ROBO1: variants seen among roughly 807,000 people sequenced by gnomAD.
ROBO1 encodes roundabout homolog 1.
A neutral mutation model predicts 195.9 loss-of-function variants in ROBO1; 149 were observed. The observed-to-expected ratio is 0.76, with a 90% confidence interval of 0.67 to 0.87. The LOEUF (loss-of-function observed/expected upper bound fraction) is 0.87, where lower values mean the gene tolerates loss of function less well. ROBO1 is among the 40% of genes least tolerant of loss of function. The pLI, the probability that ROBO1 is intolerant of heterozygous loss-of-function variation, is 0.00. For synonymous variants in ROBO1, 816 were observed against 733.2 expected (o/e 1.11, Z -1.82); for missense variants, 1,933 against 2,068.3 (o/e 0.93, Z 1.27).
intron 4 of ROBO1, among the ~76,000 whole-genome samples, chr3:78,772,918 A>G (rs1425734032): frequency 1.3e-5 from 2 of 152,114 alleles, no homozygotes; most frequent in African/African-American, 2.4e-5. Flanking sequence ...TCTGATGTCA[A>G]AATCCACAGT....
chr3:78,766,819 A>G (rs2108398160), intron 4 of ROBO1, among the ~76,000 whole-genome samples: 1 of 152,256 alleles, frequency 6.6e-6, no homozygotes, highest in Admixed American at 6.5e-5. Flanking sequence ...TGAGAGTTTT[A>G]ATCATAAAGG....
intron 2 of ROBO1, among the ~76,000 whole-genome samples, chr3:79,160,459 T>C (rs1418646699): frequency 6.6e-6 from 1 of 152,166 alleles, no homozygotes; most frequent in Non-Finnish European, 1.5e-5. Flanking sequence ...TGTCTTCATA[T>C]AGAACTGTTC....
chr3:79,003,641 TG>T (rs1559580114), intron 3 of ROBO1, among the ~76,000 whole-genome samples: 1 of 152,170 alleles, frequency 6.6e-6, no homozygotes, highest in African/African-American at 2.4e-5. Context: ...CGCATTTTAC[TG>T]TGAAACATAA....
At chr3:78,783,377 C>A (rs540635898) in intron 4 of ROBO1, among the ~76,000 whole-genome samples, 3 of 152,234 alleles carry the variant, frequency 2.0e-5, no homozygotes, top group African/African-American at 4.8e-5. Flanking sequence ...CAAACAAAAG[C>A]ACCTCAACAT....
At chr3:79,665,178 TTAC>T (rs1946440419) in intron 1 of ROBO1, among the ~76,000 whole-genome samples, 1 of 151,924 alleles carries the variant, frequency 6.6e-6, no homozygotes, top group Admixed American at 6.6e-5. Context: ...AGCAGATATT[TTAC>T]ATATTTTTGA....
chr3:79,055,840 C>CA (rs977370374), intron 3 of ROBO1, among the ~76,000 whole-genome samples: 5 of 152,204 alleles, frequency 3.3e-5, no homozygotes, highest in Admixed American at 2.6e-4. Flanking sequence ...CAATGAAAAT[C>CA]TGACACACCC....
intron 4 of ROBO1, among the ~76,000 whole-genome samples, chr3:78,912,963 A>AT (rs1553763246): frequency 6.6e-6 from 1 of 152,148 alleles, no homozygotes; most frequent in Non-Finnish European, 1.5e-5. Context: ...CAAAACAATT[A>AT]TATTGTTGAA....
chr3:79,356,265 T>G (rs1577015609), intron 2 of ROBO1, among the ~76,000 whole-genome samples: 1 of 152,140 alleles, frequency 6.6e-6, no homozygotes, highest in African/African-American at 2.4e-5. Context: ...CATCCAAACC[T>G]GGGAGGTGGA....
At chr3:79,336,425 T>C (rs1576992144) in intron 2 of ROBO1, among the ~76,000 whole-genome samples, 1 of 152,214 alleles carries the variant, frequency 6.6e-6, no homozygotes, top group Non-Finnish European at 1.5e-5. Context: ...GCCAACGTAC[T>C]GCTCAGGCAA....
chr3:79,045,788 A>G (rs1389674746), intron 3 of ROBO1, among the ~76,000 whole-genome samples: 1 of 152,084 alleles, frequency 6.6e-6, no homozygotes, highest in Non-Finnish European at 1.5e-5. Context: ...AGCTTCTCCA[A>G]TTTCTCCAAA....
In ROBO1 at chr3:78,636,015, C is replaced by G; in HGVS notation, c.3131G>C (p.Ser1044Thr). Residue 1044 changes from serine (S) to threonine (T), a missense_variant, in exon 23 of 31, where the codon AGT becomes ACT. This residue lies in a region of ROBO1 where 1,737 missense variants were observed against 1,882.5 expected (regional missense o/e 0.92). Transcript: ENST00000464233. The part of the protein sequence containing the change: ...ESTVYGDVDL[S>T]NKINEMKTFN... The stretch of plus-strand genomic sequence containing the variant: ...GGTTTTCATCTCATTGATTTTGTTA[C>G]TAAGGTCCACATCACCATAAACAGT... The G allele has an allele frequency of 6.2e-7, 1 of 1,613,874 alleles. No individual in the cohort carries two copies. Among genetic ancestry groups the G allele is most frequent in the Non-Finnish European group, 8.5e-7 (1 of 1,179,838 alleles).
intron 2 of ROBO1, among the ~76,000 whole-genome samples, chr3:79,338,515 C>T (rs191097680): frequency 2.0e-5 from 3 of 152,238 alleles, no homozygotes; most frequent in Admixed American, 2.0e-4. Flanking sequence ...TGTGGCTTAG[C>T]TTTTAGTTCA....
At chr3:79,231,596 G>T (rs1020982489) in intron 2 of ROBO1, among the ~76,000 whole-genome samples, 1 of 152,042 alleles carries the variant, frequency 6.6e-6, no homozygotes, top group African/African-American at 2.4e-5. Flanking sequence ...AAAAAGGAAT[G>T]CTTATACACT....
At chr3:79,046,111 G>A (rs1430724064) in intron 3 of ROBO1, among the ~76,000 whole-genome samples, 1 of 152,094 alleles carries the variant, frequency 6.6e-6, no homozygotes, top group Non-Finnish European at 1.5e-5. Flanking sequence ...TACTGCTTTT[G>A]AGATTAGGTT....
At chr3:78,688,589 A>C in intron 9 of ROBO1, 59 bp downstream of exon 9, 1 of 1,481,738 alleles carries the variant, frequency 6.7e-7, no homozygotes, top group Non-Finnish European at 9.0e-7. Context: ...TTTTCTTCTC[A>C]TACATCTTGG....
chr3:78,723,587 A>G (rs957794005), intron 5 of ROBO1, among the ~76,000 whole-genome samples: 2 of 151,884 alleles, frequency 1.3e-5, no homozygotes, highest in Middle Eastern at 3.4e-3. Context: ...GGAGGCAATC[A>G]CCCTTCCTCT....
At chr3:79,201,356 A>G (rs1302930900) in intron 2 of ROBO1, among the ~76,000 whole-genome samples, 1 of 151,954 alleles carries the variant, frequency 6.6e-6, no homozygotes, top group Non-Finnish European at 1.5e-5. Flanking sequence ...TATGTTTCTA[A>G]GGTTTAATAC....
chr3:79,362,095 A>G (rs2035793213), intron 2 of ROBO1, among the ~76,000 whole-genome samples: 1 of 152,102 alleles, frequency 6.6e-6, no homozygotes, highest in Non-Finnish European at 1.5e-5. Flanking sequence ...TAATGAGGCA[A>G]GCCTATGATA....
chr3:79,483,578 A>T (rs890658770), intron 2 of ROBO1, among the ~76,000 whole-genome samples: 2 of 152,222 alleles, frequency 1.3e-5, no homozygotes, highest in Non-Finnish European at 2.9e-5. Flanking sequence ...GGGCTATAGG[A>T]TGTAACCTAT....
Sources: gnomAD v4.1 joint callset for allele counts (sites outside exome capture counted in the v4.1 genomes callset) on GRCh38, gnomAD v4.1.1 for gene constraint, gnomAD v4.1.1 regional missense constraint, MANE v1.5 for transcripts, NCBI Gene and HGNC (gene_info 2026-07-23, HGNC 2026-07-21) for gene names.